The following ZNF30 variants were observed in gnomAD, a reference collection of about 807,000 sequenced individuals.
ZNF30 encodes zinc finger protein 30 (KOX 28).
In ZNF30, 15 loss-of-function variants were observed where a neutral mutation model predicts 13.2. The ratio of observed to expected loss-of-function variants is 1.13; its 90% CI spans 0.76 to 1.75. The LOEUF (loss-of-function observed/expected upper bound fraction) is 1.75, where lower values mean the gene tolerates loss of function less well. Among genes scored for constraint, ZNF30 ranks in the 40% most tolerant of loss-of-function variants. The pLI is 0.00. For synonymous variants in ZNF30, 223 were observed against 256.6 expected (o/e 0.87, Z 1.25); for missense variants, 726 against 757.0 (o/e 0.96, Z 0.48).
Position 34,926,931 on chromosome 19 carries a change from G to T in ZNF30, c.-350G>T, listed in dbSNP as rs1433402551. On this transcript the variant is annotated 5_prime_UTR_variant, in exon 1 of 5. Coordinates refer to ENST00000601142, the MANE Select transcript of ZNF30 (RefSeq NM_194325.3). ...GTGGACTGCGCCGGGCATGCTCGGC[G>T]GTGTGACGGCTCAGGACTGCATTTC... 3 of 398,340 alleles carry T rather than the reference G, an allele frequency of 7.5e-6. No homozygotes were observed. The highest frequency in any genetic ancestry group is 8.9e-6 in the Non-Finnish European group (2 of 225,950). 24.7% of individuals were successfully genotyped at this position (398,340 alleles called of 1,614,324 possible).
Position 34,944,453 on chromosome 19 carries a change from C to A in ZNF30, c.1487C>A (p.Ala496Asp), listed in dbSNP as rs367638438. The A allele has an allele frequency of 1.2e-6, 2 of 1,613,210 alleles. No individual in the cohort carries two copies. The highest frequency in any genetic ancestry group is 1.3e-5 in the African/African-American group (1 of 74,660). Reference sequence around the variant, plus strand: ...GAATGTGGAAAGACTTTTAGTCGAGCCTCGTACCTTGTACAACATAGCAGA... The same window carrying A: ...GAATGTGGAAAGACTTTTAGTCGAGACTCGTACCTTGTACAACATAGCAGA... The part of the protein sequence containing the change: ...CKECGKTFSR[A>D]SYLVQHSRIH... Residue 496 changes from alanine to aspartate, a missense_variant, in exon 5 of 5, where the codon GCC (alanine) becomes GAC (aspartate). Ala to Asp is a moderately radical substitution (Grantham distance 126, BLOSUM62 -2). Coordinates refer to ENST00000601142, the MANE Select transcript of ZNF30 (RefSeq NM_194325.3).
intron 2 of ZNF30, among the ~76,000 whole-genome samples, chr19:34,931,423 C>A (rs2012445677): frequency 6.6e-6 from 1 of 152,146 alleles, no homozygotes; most frequent in Admixed American, 6.5e-5. Flanking sequence ...AGGAGTTATT[C>A]AACAAATTTG....
At chr19:34,939,667 T>A (rs892611767) in intron 4 of ZNF30, among the ~76,000 whole-genome samples, 2 of 152,224 alleles carry the variant, frequency 1.3e-5, no homozygotes, top group African/African-American at 4.8e-5. Flanking sequence ...CAGACTTTTT[T>A]CAAGCTTTCA....
chr19:34,925,357 G>A (rs929137663), upstream of ZNF30, among the ~76,000 whole-genome samples: 4 of 152,246 alleles, frequency 2.6e-5, no homozygotes, highest in African/African-American at 9.6e-5. Context: ...TTGAGTGGAA[G>A]TAGCTCTCAA....
intron 4 of ZNF30, 21 bp downstream of exon 4, chr19:34,933,744 T>G (rs1600222113): frequency 6.6e-7 from 1 of 1,513,472 alleles, no homozygotes. Flanking sequence ...GCATGGCAGG[T>G]AGGGAGGCCA....
chr19:34,926,875 C>G (rs981073196), upstream of ZNF30: 1 of 397,930 alleles, frequency 2.5e-6, no homozygotes, highest in Non-Finnish European at 4.4e-6. Flanking sequence ...CGGGAGCGCC[C>G]AGAAGTCTCC....
intron 3 of ZNF30, among the ~76,000 whole-genome samples, chr19:34,933,373 A>C (rs2012560396): frequency 6.6e-6 from 1 of 151,984 alleles, no homozygotes; most frequent in Non-Finnish European, 1.5e-5. Context: ...GAATTGCTTG[A>C]ACCCGGGAAG....
intron 4 of ZNF30, among the ~76,000 whole-genome samples, chr19:34,939,133 TCCCCTCCCCTC>T (rs2012895871): frequency 1.2e-4 from 4 of 34,606 alleles, no homozygotes; most frequent in African/African-American, 2.9e-4. Context: ...TCCCCTCCCC[TCCCCTCCCCTC>T]CCCTCCCCTC....
chr19:34,928,208 T>TAAAAAAAAA (rs386388919), intron 1 of ZNF30, among the ~76,000 whole-genome samples: 5 of 70,614 alleles, frequency 7.1e-5, no homozygotes, highest in African/African-American at 2.6e-4. Context: ...ATCCCTTCTC[T>TAAAAAAAAA]AAAAAAAAAA....
At position 34,944,319 on chromosome 19, in the gene ZNF30, T is replaced by C. The variant is rs1408162250; in HGVS notation, c.1353T>C (p.Thr451=). The change falls in exon 5 of 5, where the codon ACT becomes ACC. Residue 451 remains threonine (T), a synonymous_variant. Coordinates refer to ENST00000601142, the MANE Select transcript of ZNF30 (RefSeq NM_194325.3). ...TTACCGTACATCAAAGGGTTCATACTGGAGAGAAACCCTATGAGTGTAAGG... is the reference window on the plus strand; with the variant it reads ...TTACCGTACATCAAAGGGTTCATACCGGAGAGAAACCCTATGAGTGTAAGG... The part of the protein sequence containing the change: ...HQLTVHQRVH[T]GEKPYECKEC... The C allele has an allele frequency of 5.0e-6, 8 of 1,613,958 alleles. No individual in the cohort carries two copies. Among genetic ancestry groups the C allele is most frequent in the Non-Finnish European group, 6.8e-6 (8 of 1,180,018 alleles).
rs56153327 is a variant in ZNF30 at position 34,931,039 on chromosome 19, CTTTTTTTTTTTT to C, written c.10-799_10-788del. ...TCATTACTTTTTTTTTTCTTTTTTTCTTTTTTTTTTTTTTTTGAGACTGAGTCTCGCTCTGTC... is the reference window on the plus strand; with the variant it reads ...TCATTACTTTTTTTTTTCTTTTTTTCTTTTGAGACTGAGTCTCGCTCTGTC... On this transcript the variant is annotated intron_variant, in intron 2 of 4. Coordinates refer to ENST00000601142, the MANE Select transcript of ZNF30 (RefSeq NM_194325.3). Among the ~76,000 whole-genome samples, 7 of 122,522 alleles carry C rather than the reference CTTTTTTTTTTTT, an allele frequency of 5.7e-5. No homozygotes were observed. The East Asian group carries it at 1.6e-3, about 28-fold the overall frequency. 80.4% of individuals were successfully genotyped at this position (122,522 alleles called of 152,430 possible). A position where few individuals can be genotyped will look rare whatever the true frequency, so the allele number is the denominator to read the frequency against.
chr19:34,943,149 T>A (rs1306064845), intron 4 of ZNF30, 74 bp from the exon 5 acceptor site: 1 of 1,155,482 alleles, frequency 8.7e-7, no homozygotes, highest in Admixed American at 3.1e-5. Context: ...GGTGTTATTT[T>A]CAGTTTTTCT....
In ZNF30 at chr19:34,940,894, C is replaced by T. The variant is rs147968482; in HGVS notation, c.257-2329C>T. Among the ~76,000 whole-genome samples the T allele has an allele frequency of 2.8e-3, 424 of 152,270 alleles. 1 individual carries two copies. The highest frequency in any genetic ancestry group is 9.7e-3 in the African/African-American group (401 of 41,540). On this transcript the variant is annotated intron_variant, in intron 4 of 4. Transcript: ENST00000601142. ...TCCCATCCCTAATCCAAAGAGCCCACAGAACCAGATATGGAAGAATTATCC... is the reference window on the plus strand; with the variant it reads ...TCCCATCCCTAATCCAAAGAGCCCATAGAACCAGATATGGAAGAATTATCC...
intron 4 of ZNF30, among the ~76,000 whole-genome samples, chr19:34,941,387 C>G (rs1167299104): frequency 6.6e-6 from 1 of 152,190 alleles, no homozygotes; most frequent in African/African-American, 2.4e-5. Context: ...GCCTCAGCCT[C>G]CCAAGTAGCT....
chr19:34,933,745 A>T, intron 4 of ZNF30, 22 bp downstream of exon 4: 1 of 1,513,026 alleles, frequency 6.6e-7, no homozygotes, highest in Non-Finnish European at 9.0e-7. Flanking sequence ...CATGGCAGGT[A>T]GGGAGGCCAT....
intron 4 of ZNF30, chr19:34,942,531 T>C: frequency 1.3e-6 from 1 of 785,966 alleles, no homozygotes; most frequent in South Asian, 1.9e-5. Context: ...TGGACGTCCT[T>C]AGACAAAGTT....
Position 34,944,181 on chromosome 19 carries a change from T to C in ZNF30, c.1215T>C (p.Cys405=). 6.2e-7 allele frequency: 1 copy of C among 1,613,152 alleles called. No individual in the cohort carries two copies. Among genetic ancestry groups the C allele is most frequent in the Non-Finnish European group, 8.5e-7 (1 of 1,179,192 alleles). Residue 405 remains cysteine (C), a synonymous_variant, in exon 5 of 5, where the codon TGT becomes TGC. Coordinates refer to ENST00000601142, the MANE Select transcript of ZNF30 (RefSeq NM_194325.3). ...TGEKPYECKE[C]GKAFSTGSYL... ...AGAAGCCCTATGAATGTAAGGAGTG[T>C]GGCAAGGCCTTTAGTACTGGCTCAT...
intron 1 of ZNF30, among the ~76,000 whole-genome samples, chr19:34,929,301 A>C (rs1172694724): frequency 6.6e-6 from 1 of 152,166 alleles, no homozygotes. Flanking sequence ...AATAAAACAA[A>C]ACAAAACAAA....
In ZNF30 at chr19:34,944,534, C is replaced by T. The variant is rs773351691; in HGVS notation, c.1568C>T (p.Ser523Phe). ...ECKECGKAFS[S>F]GSYLVQHQRI... ...AAGGAGTGTGGCAAGGCCTTCAGTT[C>T]TGGCTCATACCTTGTTCAGCATCAA... Residue 523 changes from serine to phenylalanine, a missense_variant, in exon 5 of 5, where the codon TCT becomes TTT. Transcript: ENST00000601142. 1.2e-6 allele frequency: 2 copies of T among 1,614,138 alleles called. No individual in the cohort carries two copies. The highest frequency in any genetic ancestry group is 3.3e-5 in the Admixed American group (2 of 60,014).
Sources: gnomAD v4.1 joint callset for allele counts (sites outside exome capture counted in the v4.1 genomes callset) on GRCh38, gnomAD v4.1.1 for gene constraint, MANE v1.5 for transcripts, NCBI Gene and HGNC (gene_info 2026-07-23, HGNC 2026-07-21) for gene names.